Variants in THAP3 observed in about 807,000 individuals in gnomAD.
THAP3 encodes the protein THAP domain containing 3.
In THAP3, 12 loss-of-function variants were observed where a neutral mutation model predicts 17.7. That is an observed-to-expected ratio of 0.68 (90% CI 0.43 to 1.10). THAP3 has a LOEUF of 1.10. Among genes scored for constraint, THAP3 ranks in the 50% least tolerant of loss-of-function variants. The pLI, the probability that THAP3 is intolerant of heterozygous loss-of-function variation, is 0.00. For synonymous variants in THAP3, 133 were observed against 126.9 expected (o/e 1.05, Z -0.32); for missense variants, 289 against 318.0 (o/e 0.91, Z 0.69).
At chr1:6,634,497 G>A (rs775026315), downstream of THAP3, 63 of 1,342,716 alleles carry the variant, frequency 4.7e-5, no homozygotes, top group Non-Finnish European at 5.5e-5. Context: ...GGAGGCCGGC[G>A]CAGCTTGGGG....
downstream of THAP3, chr1:6,635,293 G>A (rs147989980): frequency 3.3e-4 from 62 of 190,558 alleles, 1 homozygote; most frequent in African/African-American, 1.2e-3. Flanking sequence ...AGTGGCTCAC[G>A]CTCCTGTGGT....
downstream of THAP3, chr1:6,634,091 G>A: frequency 1.2e-6 from 2 of 1,613,412 alleles, no homozygotes; most frequent in South Asian, 2.2e-5. Flanking sequence ...AGGAGTGAAG[G>A]ATGGGGAGGA....
chr1:6,625,857 A>AG (rs1242514299), intron 2 of THAP3, among the ~76,000 whole-genome samples: 1 of 152,134 alleles, frequency 6.6e-6, no homozygotes, highest in East Asian at 1.9e-4. Flanking sequence ...CACATTCCGA[A>AG]GGGGGGCTTG....
chr1:6,633,012 C>G lies in THAP3; in HGVS notation c.655C>G (p.Arg219Gly), dbSNP rs142247203. The G allele has an allele frequency of 1.2e-6, 2 of 1,612,308 alleles. No homozygotes were observed. Among genetic ancestry groups the G allele is most frequent in the South Asian group, 2.2e-5 (2 of 91,040 alleles). The change falls in exon 6 of 6, where the codon CGC (arginine) becomes GGC (glycine). Residue 219 changes from arginine (R) to glycine (G), a missense_variant. Arg to Gly is a moderately radical substitution (Grantham distance 125). Transcript: ENST00000054650. Reference protein sequence around the residue: ...QRLVMRRMSSRLRACKGHQGL... With the variant: ...QRLVMRRMSSGLRACKGHQGL... ...GCTGGTGATGCGAAGGATGTCCAGC[C>G]GCCTCCGTGCTTGCAAAGGGCACCA...
downstream of THAP3, among the ~76,000 whole-genome samples, chr1:6,633,859 G>C (rs150438999): frequency 6.6e-6 from 1 of 151,638 alleles, no homozygotes; most frequent in Non-Finnish European, 1.5e-5. Flanking sequence ...GCAGTGAGCC[G>C]AGATCACACC....
intron 3 of THAP3, 77 bp from the exon 4 acceptor site, chr1:6,630,211 A>G (rs1641570720): frequency 7.7e-7 from 1 of 1,298,400 alleles, no homozygotes; most frequent in Non-Finnish European, 1.1e-6. Context: ...CAGCGGGGAC[A>G]AGCATGATGC....
chr1:6,626,489 A>AT (rs1402497827), intron 2 of THAP3, among the ~76,000 whole-genome samples: 1 of 152,132 alleles, frequency 6.6e-6, no homozygotes, highest in Admixed American at 6.5e-5. Flanking sequence ...GAATTTACTG[A>AT]TTTGTTCTAC....
intron 1 of THAP3, 43 bp downstream of exon 1, chr1:6,624,997 G>A: frequency 1.8e-6 from 1 of 549,228 alleles, no homozygotes; most frequent in Non-Finnish European, 3.2e-6. Flanking sequence ...GGGGTTTCGG[G>A]CCTGAATTGG....
intron 2 of THAP3, among the ~76,000 whole-genome samples, chr1:6,627,168 T>C (rs1464797350): frequency 6.6e-6 from 1 of 152,120 alleles, no homozygotes; most frequent in Non-Finnish European, 1.5e-5. Flanking sequence ...CAGCACTAAG[T>C]GTTGGAGCCC....
Position 6,633,244 on chromosome 1 carries a change from A to T in THAP3, c.*167A>T, listed in dbSNP as rs151253460. On this transcript the variant is annotated 3_prime_UTR_variant, in exon 6 of 6. Coordinates refer to ENST00000054650, the MANE Select transcript of THAP3 (RefSeq NM_001195753.2). Reference sequence around the variant, plus strand: ...GCCAAGCTCCCCGGCGAGAGCCCCAATGCCGTCTGGGGGACGTTTAGAGGC... The same window carrying T: ...GCCAAGCTCCCCGGCGAGAGCCCCATTGCCGTCTGGGGGACGTTTAGAGGC... 1.4e-6 allele frequency: 2 copies of T among 1,441,260 alleles called. No homozygotes were observed. Among genetic ancestry groups the T allele is most frequent in the Non-Finnish European group, 1.8e-6 (2 of 1,104,642 alleles). The allele number at this position is 1,441,260 out of a possible 1,614,324, so 89.3% of individuals were successfully genotyped here.
Position 6,628,761 on chromosome 1 carries a change from G to A in THAP3, c.267+70G>A. On this transcript the variant is annotated intron_variant, in intron 3 of 5. Transcript: ENST00000054650. Reference sequence around the variant, plus strand: ...TTGTTTACCAGCAGCTGGGGGCAGTGGGGGTGGCGGCATGTGTGGGAAAAG... The same window carrying A: ...TTGTTTACCAGCAGCTGGGGGCAGTAGGGGTGGCGGCATGTGTGGGAAAAG... 3.4e-6 allele frequency: 5 copies of A among 1,480,528 alleles called. No homozygotes were observed. In the South Asian group the frequency reaches 5.2e-5, roughly 15 times the overall value. The allele number at this position is 1,480,528 out of a possible 1,614,324, so 91.7% of individuals were successfully genotyped here. A position where few individuals can be genotyped will look rare whatever the true frequency, so the allele number is the denominator to read the frequency against.
At chr1:6,633,582 ATT>A (rs375017088), downstream of THAP3, 1,364 of 985,352 alleles carry the variant, frequency 1.4e-3, 13 homozygotes, top group African/African-American at 0.03. Flanking sequence ...TCCCATCATC[ATT>A]TTCTCTAGTG....
intron 3 of THAP3, chr1:6,629,745 A>G (rs1301691526): frequency 1.9e-5 from 3 of 159,084 alleles, no homozygotes; most frequent in African/African-American, 7.2e-5. Context: ...ATAGATGAAC[A>G]CTTTAATCAC....
Position 6,632,825 on chromosome 1 carries a change from G to C in THAP3, c.468G>C (p.Glu156Asp). 2 of 1,612,958 alleles carry C rather than the reference G, an allele frequency of 1.2e-6. No homozygotes were observed. Among genetic ancestry groups the C allele is most frequent in the East Asian group, 2.2e-5 (1 of 44,882 alleles). The change falls in exon 6 of 6, where the codon GAG (glutamate) becomes GAC (aspartate). Residue 156 changes from glutamate (E) to aspartate (D), a missense_variant. By Grantham distance (45) the Glu-to-Asp change is conservative. Coordinates refer to ENST00000054650, the MANE Select transcript of THAP3 (RefSeq NM_001195753.2). ...CGCCACGGAGGCCGCAAGCAACAGA[G>C]GCTGTTGGCCGGCCGACTGGCCCTG... ...QVSPRRPQAT[E>D]AVGRPTGPAG... is the part of the protein sequence containing the mutation.
downstream of THAP3, chr1:6,635,497 C>G (rs576441412): frequency 7.5e-4 from 507 of 678,022 alleles, no homozygotes; most frequent in Non-Finnish European, 1.1e-3. Context: ...GTCCTACCCC[C>G]AGCACCCTCA....
downstream of THAP3, among the ~76,000 whole-genome samples, chr1:6,633,759 A>G (rs1385143350): frequency 6.6e-6 from 1 of 151,962 alleles, no homozygotes; most frequent in East Asian, 1.9e-4. Context: ...AAAAGACACA[A>G]ATTAGCCAGG....
chr1:6,625,145 C>CCCCCG lies in THAP3; in HGVS notation c.-69-5_-69-4insCCCCG. On this transcript the variant is annotated splice_polypyrimidine_tract_variant and splice_region_variant and intron_variant, in intron 1 of 5. Coordinates refer to ENST00000054650, the MANE Select transcript of THAP3 (RefSeq NM_001195753.2). Reference sequence around the variant, plus strand: ...ACCTCCCAGCGGCCCCGCCCCTCCCCGCAGGTCCCTCCCCTCTCCGCAGGC... The same window carrying CCCCCG: ...ACCTCCCAGCGGCCCCGCCCCTCCCCCCCCGGCAGGTCCCTCCCCTCTCCGCAGGC... 4 of 1,470,648 alleles carry CCCCCG rather than the reference C, an allele frequency of 2.7e-6. No individual in the cohort carries two copies. Among genetic ancestry groups the CCCCCG allele is most frequent in the South Asian group, 1.2e-5 (1 of 81,198 alleles). The allele number at this position is 1,470,648 out of a possible 1,614,324, so 91.1% of individuals were successfully genotyped here. A position where few individuals can be genotyped will look rare whatever the true frequency, so the allele number is the denominator to read the frequency against.
At position 6,628,632 on chromosome 1, in the gene THAP3, C is replaced by T. The variant is rs1301209531; in HGVS notation, c.208C>T (p.Arg70Cys). ...RPECFSAFGN[R>C]KNLKHNAVPT... ...AGAGTGCTTCAGCGCCTTTGGAAAC[C>T]GCAAGAACCTAAAGCACAATGCCGT... The change falls in exon 3 of 6, where the codon CGC (arginine) becomes TGC (cysteine). Residue 70 changes from arginine to cysteine, a missense_variant. Coordinates refer to ENST00000054650, the MANE Select transcript of THAP3 (RefSeq NM_001195753.2). 2.2e-5 allele frequency: 35 copies of T among 1,613,718 alleles called. No individual in the cohort carries two copies. Among genetic ancestry groups the T allele is most frequent in the South Asian group, 5.5e-5 (5 of 91,070 alleles).
downstream of THAP3, chr1:6,634,259 G>A (rs1472371591): frequency 4.6e-6 from 4 of 863,604 alleles, no homozygotes; most frequent in South Asian, 1.8e-5. Context: ...AAGCACCTGC[G>A]GCAGAGGCGC....
Sources: allele counts gnomAD v4.1 joint callset (sites outside exome capture counted in the v4.1 genomes callset), GRCh38; gene constraint gnomAD v4.1.1; transcripts MANE v1.5; gene names NCBI Gene and HGNC (gene_info 2026-07-23, HGNC 2026-07-21).